EP300: variants seen among roughly 807,000 people sequenced by gnomAD.
EP300 encodes the protein histone acetyltransferase p300.
A neutral mutation model predicts 264.0 loss-of-function variants in EP300; 31 were observed. That is an observed-to-expected ratio of 0.12 (90% CI 0.09 to 0.16). The LOEUF is 0.16. Ranked by LOEUF, EP300 falls within the 10% of genes least tolerant of loss-of-function variation. The probability of loss-of-function intolerance (pLI) is 1.00; values close to 1 mark genes in which losing one functional copy is unlikely to be tolerated. For synonymous variants in EP300, 1,340 were observed against 1,045.4 expected, an observed-to-expected ratio of 1.28 and a Z score of -5.44; for missense variants, 2,766 against 3,052.9, an observed-to-expected ratio of 0.91 and a Z score of 2.21.
chr22:41,127,510 C>A lies in EP300; in HGVS notation c.930C>A (p.Val310=), dbSNP rs1396523110. 5.0e-6 allele frequency: 8 copies of A among 1,614,184 alleles called. No individual in the cohort carries two copies. In the African/African-American group the frequency reaches 6.7e-5, roughly 13 times the overall value. Residue 310 remains valine, a synonymous_variant, in exon 4 of 31, where the codon GTC becomes GTA. Coordinates refer to ENST00000263253, the MANE Select transcript of EP300 (RefSeq NM_001429.4). Reference sequence around the variant, plus strand: ...AGGGTCAACAGCCAGCCCCGCAGGTCCAGCAGCCAGGCCTGGTGACTCCAG... The same window carrying A: ...AGGGTCAACAGCCAGCCCCGCAGGTACAGCAGCCAGGCCTGGTGACTCCAG... ...PNMGQQPAPQ[V]QQPGLVTPVA... is the part of the protein sequence containing the mutation.
chr22:41,170,861 C>T (rs1394910198), intron 27 of EP300, among the ~76,000 whole-genome samples: 3 of 151,264 alleles, frequency 2.0e-5, no homozygotes, highest in East Asian at 1.9e-4. Context: ...GACGGGGTTT[C>T]ACCGTGTTAG....
intron 6 of EP300, among the ~76,000 whole-genome samples, chr22:41,132,910 A>T (rs2058928742): frequency 6.6e-6 from 1 of 152,102 alleles, no homozygotes; most frequent in Non-Finnish European, 1.5e-5. Context: ...TAATTTTGGG[A>T]TATGTATGTT....
intron 1 of EP300, among the ~76,000 whole-genome samples, chr22:41,095,846 A>G (rs538189046): frequency 1.3e-5 from 2 of 152,284 alleles, no homozygotes; most frequent in Admixed American, 6.5e-5. Context: ...TCAGCTTTAA[A>G]GGAAAGAAAA....
In EP300 at chr22:41,146,776, T is replaced by C. The variant is rs61756764; in HGVS notation, c.2091T>C (p.Ser697=). 1.2e-6 allele frequency: 2 copies of C among 1,614,198 alleles called. No individual in the cohort carries two copies. The highest frequency in any genetic ancestry group is 1.7e-6 in the Non-Finnish European group (2 of 1,180,026). Reference sequence around the variant, plus strand: ...CTGACCCAAGTATGATCCGTGGCAGTGTGCCAAACCAGATGATGCCTCGAA... The same window carrying C: ...CTGACCCAAGTATGATCCGTGGCAGCGTGCCAAACCAGATGATGCCTCGAA... ...PLPDPSMIRG[S]VPNQMMPRIT... Residue 697 remains serine (S), a synonymous_variant, in exon 11 of 31, where the codon AGT becomes AGC. Coordinates refer to ENST00000263253, the MANE Select transcript of EP300 (RefSeq NM_001429.4).
intron 8 of EP300, among the ~76,000 whole-genome samples, chr22:41,138,085 T>C (rs770534571): frequency 7.9e-5 from 12 of 152,230 alleles, no homozygotes; most frequent in Non-Finnish European, 1.8e-4. Context: ...GCAAAACTTA[T>C]ATATCTAAGA....
At chr22:41,144,990 CTG>C (rs1156483308) in intron 10 of EP300, among the ~76,000 whole-genome samples, 3 of 152,130 alleles carry the variant, frequency 2.0e-5, no homozygotes, top group African/African-American at 7.2e-5. Flanking sequence ...TCTAGAAGAG[CTG>C]TGTTTTCTCT....
intron 14 of EP300, 59 bp downstream of exon 14, chr22:41,150,257 C>G: frequency 6.6e-7 from 1 of 1,505,434 alleles, no homozygotes; most frequent in Non-Finnish European, 9.0e-7. Flanking sequence ...TATTATATTA[C>G]TTCTGGGCCA....
intron 19 of EP300, chr22:41,160,432 A>AAAAAAAAAAAAAAAAAAAAAC: frequency 2.0e-6 from 1 of 497,668 alleles, no homozygotes; most frequent in South Asian, 2.5e-5. Context: ...AAAAAAAAAC[A>AAAAAAAAAAAAAAAAAAAAAC]AAAAAAAACA....
chr22:41,149,423 T>G (rs2059030319), intron 13 of EP300, among the ~76,000 whole-genome samples: 1 of 152,212 alleles, frequency 6.6e-6, no homozygotes. Context: ...AGTGAACACT[T>G]TAAAATAAAT....
intron 13 of EP300, among the ~76,000 whole-genome samples, chr22:41,149,440 A>G (rs1034843065): frequency 2.6e-5 from 4 of 152,330 alleles, no homozygotes; most frequent in South Asian, 2.1e-4. Flanking sequence ...AAATCTTAGA[A>G]TTAAACACAA....
chr22:41,168,921 T>C lies in EP300; in HGVS notation c.4172+54T>C, dbSNP rs557527894. 99 of 1,611,280 alleles carry C rather than the reference T, an allele frequency of 6.1e-5. 1 individual carries two copies. The highest frequency in any genetic ancestry group is 2.5e-4 in the East Asian group (11 of 44,864). Reference sequence around the variant, plus strand: ...GGATTTGTGTGGGAGTTCCAACTTATAATAGGTGGAAAAGCATAACAGGCA... The same window carrying C: ...GGATTTGTGTGGGAGTTCCAACTTACAATAGGTGGAAAAGCATAACAGGCA... On this transcript the variant is annotated intron_variant, in intron 25 of 30. Coordinates refer to ENST00000263253, the MANE Select transcript of EP300 (RefSeq NM_001429.4).
At position 41,149,877 on chromosome 22, in the gene EP300, C is replaced by T; in HGVS notation, c.2496C>T (p.Pro832=). The T allele has an allele frequency of 6.2e-7, 1 of 1,614,084 alleles. No homozygotes were observed. The change falls in exon 14 of 31, where the codon CCC becomes CCT. Residue 832 remains proline (P), a synonymous_variant. Transcript: ENST00000263253. The part of the protein sequence containing the change: ...LPQPALHQNS[P]SPVPSRTPTP... ...AACCAGCTCTTCATCAGAATTCACC[C>T]TCGCCTGTACCTAGTCGTACCCCCA...
At chr22:41,121,420 G>C (rs927523425) in intron 2 of EP300, among the ~76,000 whole-genome samples, 13 of 152,160 alleles carry the variant, frequency 8.5e-5, no homozygotes, top group Non-Finnish European at 1.6e-4. Context: ...GAGATAGAAG[G>C]GGCAGTGATC....
In EP300 at chr22:41,170,466, T is replaced by C. The variant is rs137986257; in HGVS notation, c.4347T>C (p.His1449=). The change falls in exon 27 of 31, where the codon CAT becomes CAC. Residue 1449 remains histidine (H), a synonymous_variant. Coordinates refer to ENST00000263253, the MANE Select transcript of EP300 (RefSeq NM_001429.4). ...GTGAGGGAGATGATTATATCTTCCA[T>C]TGCCATCCTCCTGACCAGAAGATAC... ...PPSEGDDYIF[H]CHPPDQKIPK... The C allele has an allele frequency of 1.7e-5, 28 of 1,613,892 alleles. No individual in the cohort carries two copies. The highest frequency in any genetic ancestry group is 2.1e-5 in the Non-Finnish European group (25 of 1,179,954).
At chr22:41,128,392 C>CA in intron 4 of EP300, among the ~76,000 whole-genome samples, 1 of 151,756 alleles carries the variant, frequency 6.6e-6, no homozygotes, top group African/African-American at 2.4e-5. Flanking sequence ...CCCAAGAGGG[C>CA]AGGGGTTGGT....
Position 41,176,829 on chromosome 22 carries a change from G to C in EP300, c.5118G>C (p.Glu1706Asp), listed in dbSNP as rs1266804484. ...CTAAAAACCATGACCACAAAATGGA[G>C]AAACTAGGCCTTGGCTTAGATGATG... ...YNTKNHDHKM[E>D]KLGLGLDDES... The change falls in exon 31 of 31, where the codon GAG (glutamate) becomes GAC (aspartate). Residue 1706 changes from glutamate to aspartate, a missense_variant. Transcript: ENST00000263253. The C allele has an allele frequency of 4.3e-6, 7 of 1,614,074 alleles. No individual in the cohort carries two copies. Among genetic ancestry groups the C allele is most frequent in the Non-Finnish European group, 5.9e-6 (7 of 1,180,016 alleles).
chr22:41,130,098 G>GTGT (rs1427437162), intron 5 of EP300, 95 bp downstream of exon 5: 25 of 905,510 alleles, frequency 2.8e-5, no homozygotes, highest in Non-Finnish European at 4.5e-5. Flanking sequence ...GGGACCTGTG[G>GTGT]TGTTGTACTA....
At chr22:41,146,466 C>G (rs1441571481) in intron 10 of EP300, 3 of 436,754 alleles carry the variant, frequency 6.9e-6, no homozygotes, top group Admixed American at 3.5e-5. Flanking sequence ...TGTGCCTGGC[C>G]TATAATGGCT....
At chr22:41,171,190 ATGCT>A (rs1418044123) in intron 27 of EP300, among the ~76,000 whole-genome samples, 2 of 151,050 alleles carry the variant, frequency 1.3e-5, no homozygotes, top group African/African-American at 4.9e-5. Context: ...GGGTATCGCC[ATGCT>A]GCCCAGGCTG....
Sources: gnomAD v4.1 joint callset for allele counts (sites outside exome capture counted in the v4.1 genomes callset) on GRCh38, gnomAD v4.1.1 for gene constraint, MANE v1.5 for transcripts, NCBI Gene and HGNC (gene_info 2026-07-23, HGNC 2026-07-21) for gene names.